The following CXorf58 variants were observed in gnomAD, a reference collection of about 807,000 sequenced individuals.
CXorf58 encodes uncharacterized protein CXorf58.
In CXorf58, 24 loss-of-function variants were observed where a neutral mutation model predicts 26.0. The ratio of observed to expected loss-of-function variants is 0.92; its 90% confidence interval spans 0.67 to 1.30. The LOEUF is 1.30. Ranked by LOEUF, CXorf58 falls within the 50% of genes most tolerant of loss-of-function variation. The pLI, the probability that CXorf58 is intolerant of heterozygous loss-of-function variation, is 0.00. For synonymous variants in CXorf58, 87 were observed against 86.1 expected (o/e 1.01, Z -0.06); for missense variants, 236 against 263.9 (o/e 0.89, Z 0.73).
At chrX:23,919,173 T>G (rs1927802704) in intron 5 of CXorf58, among the ~76,000 whole-genome samples, 1 of 111,985 alleles carries the variant, frequency 8.9e-6, no homozygotes, top group Non-Finnish European at 1.9e-5. Flanking sequence ...CTGATCTATC[T>G]CTCTACCTCC....
chrX:23,911,899 C>A, intron 3 of CXorf58, 43 bp downstream of exon 3: 2 of 883,849 alleles, frequency 2.3e-6, no homozygotes, highest in Non-Finnish European at 3.3e-6. Flanking sequence ...ATTTAATTAT[C>A]AAGCTAAAAG....
At position 23,935,354 on chromosome X, in the gene CXorf58, G is replaced by T; in HGVS notation, c.714G>T (p.Met238Ile). The T allele has an allele frequency of 8.3e-7, 1 of 1,211,006 alleles. No individual in the cohort carries two copies. ...GVISNRLRNE[M>I]KFLLQRPVTQ... ...TCTCAAACCGTCTACGAAATGAAAT[G>T]AAGTTTCTGTTACAGAGACCAGTAA... The change falls in exon 7 of 9, where the codon ATG (methionine) becomes ATT (isoleucine). Residue 238 changes from methionine to isoleucine, a missense_variant. Physicochemically the swap from Met to Ile is conservative, Grantham distance 10 (BLOSUM62 1). Coordinates refer to ENST00000379211, the MANE Select transcript of CXorf58 (RefSeq NM_152761.3).
chrX:23,924,051 G>A (rs994413485), intron 5 of CXorf58, among the ~76,000 whole-genome samples: 2 of 111,815 alleles, frequency 1.8e-5, no homozygotes, highest in African/African-American at 6.5e-5. Flanking sequence ...GGGTGACAGA[G>A]CAAGACTCCG....
chrX:23,920,024 G>A (rs1927824118), intron 5 of CXorf58, among the ~76,000 whole-genome samples: 1 of 112,509 alleles, frequency 8.9e-6, no homozygotes, highest in Non-Finnish European at 1.9e-5. Flanking sequence ...CTCTCTTTCT[G>A]TACTGAGCAG....
At chrX:23,932,721 G>A (rs764522388) in intron 6 of CXorf58, among the ~76,000 whole-genome samples, 4 of 111,328 alleles carry the variant, frequency 3.6e-5, no homozygotes, top group East Asian at 5.6e-4. Flanking sequence ...GAGGCCGGGC[G>A]TGGTGGCTCA....
Position 23,911,750 on chromosome X carries a change from C to A in CXorf58, c.117-7C>A, listed in dbSNP as rs377057211. 4.6e-5 allele frequency: 51 copies of A among 1,116,951 alleles called. No homozygotes were observed. Among genetic ancestry groups the A allele is most frequent in the Middle Eastern group, 2.6e-4 (1 of 3,906 alleles). 92.0% of individuals were successfully genotyped at this position (1,116,951 alleles called of 1,213,427 possible). On this transcript the variant is annotated splice_region_variant and splice_polypyrimidine_tract_variant and intron_variant, in intron 2 of 8. Coordinates refer to ENST00000379211, the MANE Select transcript of CXorf58 (RefSeq NM_152761.3). ...TTTATAAATATTAACCTCTTTTTTT[C>A]TCTCAGAATGCTTAAAGACATTTCA...
intron 3 of CXorf58, 35 bp from the exon 4 acceptor site, chrX:23,915,665 C>A: frequency 1.1e-6 from 1 of 889,469 alleles, no homozygotes; most frequent in Non-Finnish European, 1.6e-6. Flanking sequence ...GGGTGGGATA[C>A]TGCTTTCCTT....
At chrX:23,933,029 C>T (rs886729366) in intron 6 of CXorf58, among the ~76,000 whole-genome samples, 3 of 110,878 alleles carry the variant, frequency 2.7e-5, no homozygotes, top group Non-Finnish European at 5.7e-5. Flanking sequence ...GGTGCAGTGG[C>T]TCATGTCTGT....
At chrX:23,935,640 T>C (rs1286228578) in intron 7 of CXorf58, among the ~76,000 whole-genome samples, 1 of 111,741 alleles carries the variant, frequency 8.9e-6, no homozygotes, top group Non-Finnish European at 1.9e-5. Context: ...GGCAGCTCAG[T>C]GTAGCTGGAG....
intron 2 of CXorf58, among the ~76,000 whole-genome samples, chrX:23,910,760 CTTTTTTTTTTTT>C (rs779387168): frequency 1.9e-5 from 1 of 51,423 alleles, no homozygotes; most frequent in Non-Finnish European, 3.3e-5. Context: ...TTTTTCCTTT[CTTTTTTTTTTTT>C]TTTTTTTTTT....
chrX:23,921,685 TTTG>T (rs1158633856), intron 5 of CXorf58, among the ~76,000 whole-genome samples: 48 of 111,220 alleles, frequency 4.3e-4, no homozygotes, highest in African/African-American at 8.2e-4. Context: ...GTTTTTGTTT[TTTG>T]TTGTTGTTGT....
Position 23,935,193 on chromosome X carries a change from C to T in CXorf58, c.556-3C>T, listed in dbSNP as rs770683746. The T allele has an allele frequency of 4.2e-6, 5 of 1,194,979 alleles. No homozygotes were observed. In the Admixed American group the frequency reaches 6.6e-5, roughly 16 times the overall value. ...CTTAATCGTTCTTGTTTTTTCCCTACAGTATCGCAGTTTTTTCGATGAGGC... is the reference window on the plus strand; with the variant it reads ...CTTAATCGTTCTTGTTTTTTCCCTATAGTATCGCAGTTTTTTCGATGAGGC... On this transcript the variant is annotated splice_polypyrimidine_tract_variant and splice_region_variant and intron_variant, in intron 6 of 8. Transcript: ENST00000379211.
chrX:23,929,601 A>G (rs770881210), intron 6 of CXorf58, among the ~76,000 whole-genome samples: 1 of 111,864 alleles, frequency 8.9e-6, no homozygotes, highest in East Asian at 2.8e-4. Flanking sequence ...AGCCGTCTTT[A>G]TAACATAAAA....
rs981152816 is a variant in CXorf58 at position 23,908,012 on chromosome X, G to T, written c.-338G>T. On this transcript the variant is annotated 5_prime_UTR_variant, in exon 1 of 9. Coordinates refer to ENST00000379211, the MANE Select transcript of CXorf58 (RefSeq NM_152761.3). Reference sequence around the variant, plus strand: ...AAGAAAGCGCCGGCTCTGTGTGGACGGTACGCGGAGGCGCGAGGAGGGAGG... The same window carrying T: ...AAGAAAGCGCCGGCTCTGTGTGGACTGTACGCGGAGGCGCGAGGAGGGAGG... 5 of 233,385 alleles carry T rather than the reference G, an allele frequency of 2.1e-5. No individual in the cohort carries two copies. The highest frequency in any genetic ancestry group is 1.9e-4 in the South Asian group (1 of 5,206). The allele number at this position is 233,385 out of a possible 1,213,427, so 19.2% of individuals were successfully genotyped here.
chrX:23,931,447 A>G (rs1928165670), intron 6 of CXorf58, among the ~76,000 whole-genome samples: 1 of 111,838 alleles, frequency 8.9e-6, no homozygotes, highest in Admixed American at 9.6e-5. Flanking sequence ...TTTTTTACAA[A>G]TGAGAAAAAT....
intron 8 of CXorf58, 27 bp from the exon 9 acceptor site, chrX:23,939,217 C>G: frequency 1.8e-6 from 2 of 1,091,681 alleles, no homozygotes; most frequent in Non-Finnish European, 2.5e-6. Flanking sequence ...TATAACACTT[C>G]CTACTTTTAT....
intron 7 of CXorf58, among the ~76,000 whole-genome samples, chrX:23,936,182 T>C (rs1040524490): frequency 7.3e-5 from 8 of 108,935 alleles, no homozygotes; most frequent in Non-Finnish European, 1.1e-4. Flanking sequence ...GCAGTGAGGG[T>C]GAGTTGGGGG....
At chrX:23,928,426 G>T (rs2054648331) in intron 6 of CXorf58, among the ~76,000 whole-genome samples, 1 of 110,910 alleles carries the variant, frequency 9.0e-6, no homozygotes, top group Non-Finnish European at 1.9e-5. Flanking sequence ...CAGGTGATCT[G>T]CCCGTCTCGG....
intron 7 of CXorf58, among the ~76,000 whole-genome samples, chrX:23,936,259 T>G (rs1420318309): frequency 1.8e-5 from 2 of 111,407 alleles, no homozygotes; most frequent in African/African-American, 6.5e-5. Flanking sequence ...ATGAATACAG[T>G]CAAAAGGGCT....
Sources: allele counts gnomAD v4.1 joint callset (sites outside exome capture counted in the v4.1 genomes callset), GRCh38; gene constraint gnomAD v4.1.1; transcripts MANE v1.5; gene names NCBI Gene and HGNC (gene_info 2026-07-23, HGNC 2026-07-21).